PCDH15: variants seen among roughly 807,000 people sequenced by gnomAD.
The protein encoded by PCDH15 is protocadherin-15.
Under a neutral mutation model 178.5 loss-of-function variants are expected in PCDH15, and 129 were observed. The ratio of observed to expected loss-of-function variants is 0.72; its 90% CI spans 0.63 to 0.84. PCDH15 has a LOEUF of 0.84. Ranked by LOEUF, PCDH15 falls within the 40% of genes least tolerant of loss-of-function variation. The probability of loss-of-function intolerance (pLI) is 0.00; values close to 1 mark genes in which losing one functional copy is unlikely to be tolerated. For synonymous variants in PCDH15, 800 were observed against 732.0 expected, an observed-to-expected ratio of 1.09 and a Z score of -1.50; for missense variants, 2,230 against 2,099.9, an observed-to-expected ratio of 1.06 and a Z score of -1.21.
At chr10:55,490,679 T>A (rs1205041462) in intron 2 of PCDH15, among the ~76,000 whole-genome samples, 1 of 151,698 alleles carries the variant, frequency 6.6e-6, no homozygotes, top group Non-Finnish European at 1.5e-5. Flanking sequence ...CTAACCTATG[T>A]CTAATTCTAT....
intron 30 of PCDH15, 64 bp downstream of exon 30, chr10:53,831,251 C>CA: frequency 6.9e-7 from 1 of 1,448,406 alleles, no homozygotes; most frequent in Non-Finnish European, 9.7e-7. Context: ...GCCATGTTAC[C>CA]AGAGATGGTT....
At chr10:54,949,742 G>C (rs975665992) in intron 2 of PCDH15, among the ~76,000 whole-genome samples, 1 of 151,876 alleles carries the variant, frequency 6.6e-6, no homozygotes, top group Non-Finnish European at 1.5e-5. Flanking sequence ...TCTTCCACCA[G>C]ACACCCTAAA....
At chr10:54,365,785 C>T (rs1946700845) in intron 5 of PCDH15, among the ~76,000 whole-genome samples, 1 of 152,078 alleles carries the variant, frequency 6.6e-6, no homozygotes, top group Admixed American at 6.6e-5. Flanking sequence ...AAAACTACTT[C>T]AATGTCTTAT....
intron 1 of PCDH15, among the ~76,000 whole-genome samples, chr10:54,710,278 T>TTGTA (rs1186329723): frequency 4.6e-5 from 7 of 151,736 alleles, no homozygotes; most frequent in African/African-American, 1.7e-4. Context: ...TGACAAAAGC[T>TTGTA]TGTATCTAAG....
intron 1 of PCDH15, among the ~76,000 whole-genome samples, chr10:55,270,597 T>A (rs967689667): frequency 6.6e-6 from 1 of 151,978 alleles, no homozygotes; most frequent in African/African-American, 2.4e-5. Context: ...TGAGGTACCA[T>A]CTCACACCAG....
chr10:55,306,872 C>T (rs1480342278), intron 1 of PCDH15, among the ~76,000 whole-genome samples: 1 of 152,048 alleles, frequency 6.6e-6, no homozygotes, highest in Non-Finnish European at 1.5e-5. Flanking sequence ...CAAAAAATAA[C>T]ATGGCACAAT....
chr10:55,129,306 TAG>T lies in PCDH15; in HGVS notation c.-80+37268_-80+37269del, dbSNP rs1463872067. Among the ~76,000 whole-genome samples the T allele has an allele frequency of 2.6e-5, 4 of 152,120 alleles. No individual in the cohort carries two copies. In the East Asian group the frequency reaches 7.7e-4, roughly 29 times the overall value. On this transcript the variant is annotated intron_variant, in intron 2 of 5. Transcript: ENST00000458638. ...CTAACAAACACGAGAGGTGTATGTT[TAG>T]AGATTTAAACTAAAATTAGGTCACA...
intron 2 of PCDH15, among the ~76,000 whole-genome samples, chr10:54,574,037 T>C (rs566232672): frequency 6.6e-6 from 1 of 152,150 alleles, no homozygotes; most frequent in Non-Finnish European, 1.5e-5. Flanking sequence ...TAATTAGATC[T>C]CATTTGTCAA....
At chr10:53,887,916 C>CA (rs2081214678) in intron 26 of PCDH15, among the ~76,000 whole-genome samples, 1 of 151,452 alleles carries the variant, frequency 6.6e-6, no homozygotes, top group African/African-American at 2.4e-5. Flanking sequence ...AAACAAAAAA[C>CA]AAAAAAACAA....
At chr10:54,294,528 G>T (rs914867522) in intron 8 of PCDH15, among the ~76,000 whole-genome samples, 1 of 152,132 alleles carries the variant, frequency 6.6e-6, no homozygotes, top group African/African-American at 2.4e-5. Context: ...TTATTAAGCA[G>T]AACTCATCAA....
At chr10:55,482,433 G>T (rs945299332) in intron 2 of PCDH15, among the ~76,000 whole-genome samples, 36 of 151,768 alleles carry the variant, frequency 2.4e-4, no homozygotes, top group Non-Finnish European at 1.6e-4. Flanking sequence ...CTAAACTTCA[G>T]TGTTTTTGTA....
At chr10:53,987,455 A>G (rs1184053018) in intron 21 of PCDH15, among the ~76,000 whole-genome samples, 2 of 152,224 alleles carry the variant, frequency 1.3e-5, no homozygotes, top group African/African-American at 4.8e-5. Context: ...CGTCATACAT[A>G]GGTTTAAATA....
At chr10:54,609,588 A>G (rs934853593) in intron 2 of PCDH15, among the ~76,000 whole-genome samples, 5 of 152,052 alleles carry the variant, frequency 3.3e-5, no homozygotes, top group African/African-American at 1.2e-4. Context: ...AAAGGCCATT[A>G]AAGACCATAA....
intron 2 of PCDH15, among the ~76,000 whole-genome samples, chr10:55,528,328 TA>T (rs1265796034): frequency 6.6e-6 from 1 of 152,054 alleles, no homozygotes; most frequent in Non-Finnish European, 1.5e-5. Flanking sequence ...CTGCACCCAT[TA>T]ACTGCTCATT....
chr10:55,264,992 G>A (rs1464690413), intron 1 of PCDH15, among the ~76,000 whole-genome samples: 2 of 152,070 alleles, frequency 1.3e-5, no homozygotes, highest in African/African-American at 4.8e-5. Flanking sequence ...GCAAGCCCAG[G>A]GAATTAAAGA....
In PCDH15 at chr10:53,805,330, ATTG is replaced by A. The variant is rs1322725669; in HGVS notation, c.*1246_*1248del. The A allele has an allele frequency of 6.6e-6, 1 of 152,036 alleles. No individual in the cohort carries two copies. The highest frequency in any genetic ancestry group is 2.4e-5 in the African/African-American group (1 of 41,432). The allele number at this position is 152,036 out of a possible 1,614,324, so 9.4% of individuals were successfully genotyped here. A position where few individuals can be genotyped will look rare whatever the true frequency, so the allele number is the denominator to read the frequency against. ...AGAATTCTGAATTCTCTTAATCTAT[ATTG>A]TTTCATTCTTTTTACATCATCTGGA... is the stretch of plus-strand genomic sequence containing the variant. On this transcript the variant is annotated 3_prime_UTR_variant, in exon 38 of 38. Transcript: ENST00000644397.
chr10:54,142,204 A>T (rs1007369149), intron 14 of PCDH15, among the ~76,000 whole-genome samples: 5 of 152,088 alleles, frequency 3.3e-5, no homozygotes, highest in African/African-American at 1.2e-4. Context: ...GCTCCAAGCC[A>T]CTGTGTTTTA....
At chr10:54,302,046 T>A (rs1244849706) in intron 8 of PCDH15, among the ~76,000 whole-genome samples, 3 of 152,220 alleles carry the variant, frequency 2.0e-5, no homozygotes, top group Admixed American at 6.5e-5. Context: ...ACCATTTTTT[T>A]AAAATTCCCA....
chr10:54,370,760 T>C (rs1346164285), intron 4 of PCDH15, among the ~76,000 whole-genome samples: 1 of 151,770 alleles, frequency 6.6e-6, no homozygotes, highest in Non-Finnish European at 1.5e-5. Flanking sequence ...TCCAAAATAG[T>C]GAAAAAATAA....
Sources: allele counts gnomAD v4.1 joint callset (sites outside exome capture counted in the v4.1 genomes callset), GRCh38; gene constraint gnomAD v4.1.1; transcripts MANE v1.5; gene names NCBI Gene and HGNC (gene_info 2026-07-23, HGNC 2026-07-21).